RALGPS1: variants seen among roughly 807,000 people sequenced by gnomAD.
RALGPS1 encodes ras-specific guanine nucleotide-releasing factor RalGPS1.
RALGPS1 carries 19 observed loss-of-function variants against 78.8 expected under a neutral mutation model. That is an observed-to-expected ratio of 0.24 (90% CI 0.17 to 0.35). RALGPS1 has a LOEUF of 0.35. Ranked by LOEUF, RALGPS1 falls within the 10% of genes least tolerant of loss-of-function variation. The probability of loss-of-function intolerance (pLI) is 1.00; values close to 1 mark genes in which losing one functional copy is unlikely to be tolerated. For missense variants in RALGPS1, 454 were observed against 688.3 expected (o/e 0.66, Z 3.81); for synonymous variants, 228 against 256.3 (o/e 0.89, Z 1.06).
intron 8 of RALGPS1, among the ~76,000 whole-genome samples, chr9:127,119,929 C>G (rs933192127): frequency 2.0e-5 from 3 of 152,228 alleles, no homozygotes; most frequent in African/African-American, 7.2e-5. Flanking sequence ...TCAGTAGCCC[C>G]AGAGGCCTTG....
At chr9:126,969,723 G>A (rs2039913775) in intron 3 of RALGPS1, among the ~76,000 whole-genome samples, 1 of 152,208 alleles carries the variant, frequency 6.6e-6, no homozygotes, top group East Asian at 1.9e-4. Context: ...CTGCATCATA[G>A]AAAAACATTG....
At chr9:127,052,702 A>G in intron 6 of RALGPS1, 145 bp from the exon 7 acceptor site, 2 of 624,800 alleles carry the variant, frequency 3.2e-6, no homozygotes, top group South Asian at 4.1e-5. Context: ...TATGGTTTCT[A>G]TGAAATCCTT....
At position 127,155,802 on chromosome 9, in the gene RALGPS1, C is replaced by T. The variant is rs113379267; in HGVS notation, c.611-10267C>T. On this transcript the variant is annotated intron_variant, in intron 8 of 18. Coordinates refer to ENST00000259351, the MANE Select transcript of RALGPS1 (RefSeq NM_014636.3). The stretch of plus-strand genomic sequence containing the variant: ...CTGAAGACCAACCAGGGGCTGAGAA[C>T]GCTCGGAAATTCTTGTGCTTCACAT... 2.8e-3 allele frequency among the ~76,000 whole-genome samples: 426 copies of T among 152,164 alleles called. 1 individual carries two copies. Among genetic ancestry groups the T allele is most frequent in the African/African-American group, 1.0e-2 (413 of 41,506 alleles).
intron 3 of RALGPS1, among the ~76,000 whole-genome samples, chr9:126,972,929 G>T (rs2040257969): frequency 6.6e-6 from 1 of 152,110 alleles, no homozygotes; most frequent in Non-Finnish European, 1.5e-5. Context: ...AGGCATGGTG[G>T]CGCACACGTG....
chr9:126,956,853 A>C (rs1467384998), intron 1 of RALGPS1, among the ~76,000 whole-genome samples: 1 of 152,240 alleles, frequency 6.6e-6, no homozygotes, highest in African/African-American at 2.4e-5. Flanking sequence ...TTGATTGAGT[A>C]CTTGCCCTAT....
At chr9:127,065,726 T>C (rs1312150233) in intron 7 of RALGPS1, among the ~76,000 whole-genome samples, 2 of 152,184 alleles carry the variant, frequency 1.3e-5, no homozygotes, top group African/African-American at 4.8e-5. Context: ...TGATCCAGTG[T>C]GCACCAGTTG....
chr9:127,136,656 C>T (rs2057414382), intron 8 of RALGPS1, among the ~76,000 whole-genome samples: 1 of 144,738 alleles, frequency 6.9e-6, no homozygotes, highest in African/African-American at 2.5e-5. Flanking sequence ...TCAGCCCTGG[C>T]CCCCCCAGAG....
intron 4 of RALGPS1, among the ~76,000 whole-genome samples, chr9:127,023,635 G>A (rs1246405309): frequency 6.6e-6 from 1 of 152,166 alleles, no homozygotes; most frequent in Non-Finnish European, 1.5e-5. Flanking sequence ...CTGCTACCAG[G>A]GGACCTGCAT....
At chr9:127,194,240 C>T (rs564113120) in intron 11 of RALGPS1, among the ~76,000 whole-genome samples, 1 of 152,340 alleles carries the variant, frequency 6.6e-6, no homozygotes, top group Non-Finnish European at 1.5e-5. Flanking sequence ...GAAACTGCAG[C>T]TCAAGGGATA....
At chr9:127,074,531 C>T (rs1001898634) in intron 8 of RALGPS1, among the ~76,000 whole-genome samples, 1 of 152,274 alleles carries the variant, frequency 6.6e-6, no homozygotes, top group South Asian at 2.1e-4. Context: ...ATGGTACTAC[C>T]GTGAGGGTAG....
At chr9:126,942,904 T>G (rs1259786801) in intron 1 of RALGPS1, among the ~76,000 whole-genome samples, 1 of 152,174 alleles carries the variant, frequency 6.6e-6, no homozygotes, top group African/African-American at 2.4e-5. Context: ...TTTGTACATT[T>G]CTTTTAAAGT....
At chr9:127,142,813 T>TTGTG (rs1478335526) in intron 8 of RALGPS1, among the ~76,000 whole-genome samples, 1 of 152,172 alleles carries the variant, frequency 6.6e-6, no homozygotes, top group African/African-American at 2.4e-5. Context: ...TTATATACAT[T>TTGTG]TGTGTGTGTA....
At chr9:127,192,746 G>C (rs1283746759) in intron 11 of RALGPS1, among the ~76,000 whole-genome samples, 2 of 152,204 alleles carry the variant, frequency 1.3e-5, no homozygotes, top group African/African-American at 4.8e-5. Context: ...CAAAGAGGGA[G>C]TCCTGTGTGG....
chr9:126,948,416 C>T (rs1430322941), intron 1 of RALGPS1, among the ~76,000 whole-genome samples: 3 of 151,944 alleles, frequency 2.0e-5, no homozygotes, highest in Non-Finnish European at 2.9e-5. Flanking sequence ...ACTTGGGAGG[C>T]GGAGGCAGGA....
chr9:126,967,305 C>G (rs2039606402), intron 3 of RALGPS1, among the ~76,000 whole-genome samples: 1 of 152,154 alleles, frequency 6.6e-6, no homozygotes, highest in African/African-American at 2.4e-5. Context: ...CTCTTCTGCC[C>G]CCACCTCTGT....
chr9:126,999,227 A>G (rs371133800), intron 4 of RALGPS1, among the ~76,000 whole-genome samples: 1 of 152,128 alleles, frequency 6.6e-6, no homozygotes, highest in Admixed American at 6.5e-5. Flanking sequence ...TATAGAGTGT[A>G]CATTCTGTAT....
intron 8 of RALGPS1, chr9:127,089,162 G>T (rs187115250): frequency 2.2e-4 from 352 of 1,613,088 alleles, no homozygotes; most frequent in Non-Finnish European, 2.8e-4. Context: ...GGCAGTGAGA[G>T]GGTGTCTGGG....
At chr9:127,012,837 G>A (rs2044472646) in intron 4 of RALGPS1, among the ~76,000 whole-genome samples, 1 of 152,150 alleles carries the variant, frequency 6.6e-6, no homozygotes, top group Non-Finnish European at 1.5e-5. Context: ...CAATCACTCA[G>A]TTGTTCAGCA....
At position 127,144,222 on chromosome 9, in the gene RALGPS1, A is replaced by G. The variant is rs147073140; in HGVS notation, c.611-21847A>G. ...CCCCCTCTAACAGTGCTTTTGACCC[A>G]TCAGGTGACCGCTGGATCCCCACCC... is the stretch of plus-strand genomic sequence containing the variant. On this transcript the variant is annotated intron_variant, in intron 8 of 18. Transcript: ENST00000259351. 7.5e-3 allele frequency among the ~76,000 whole-genome samples: 1,138 copies of G among 152,246 alleles called. 14 individuals carry two copies. The highest frequency in any genetic ancestry group is 0.025 in the African/African-American group (1,021 of 41,532).
Sources: allele counts gnomAD v4.1 joint callset (sites outside exome capture counted in the v4.1 genomes callset), GRCh38; gene constraint gnomAD v4.1.1; transcripts MANE v1.5; gene names NCBI Gene and HGNC (gene_info 2026-07-23, HGNC 2026-07-21).